The following UNK variants were observed in gnomAD, a reference collection of about 807,000 sequenced individuals.
The protein encoded by UNK is unk zinc finger, also known as RING finger protein unkempt homolog.
A neutral mutation model predicts 97.6 loss-of-function variants in UNK; 32 were observed. The ratio of observed to expected loss-of-function variants is 0.33; its 90% CI spans 0.25 to 0.44. The LOEUF is 0.44. UNK is among the 20% of genes least tolerant of loss of function. The pLI is 1.00. For synonymous variants in UNK, 441 were observed against 461.2 expected, an observed-to-expected ratio of 0.96 and a Z score of 0.56; for missense variants, 771 against 1,098.4, an observed-to-expected ratio of 0.70 and a Z score of 4.21.
chr17:75,809,546 G>T (rs1422755034), intron 1 of UNK, among the ~76,000 whole-genome samples: 1 of 152,256 alleles, frequency 6.6e-6, no homozygotes, highest in Non-Finnish European at 1.5e-5. Flanking sequence ...TGTGGTCTGT[G>T]GTTCCTGCCT....
At chr17:75,785,005 C>A (rs775449771) in intron 1 of UNK, 21 bp downstream of exon 1, 63 of 1,393,810 alleles carry the variant, frequency 4.5e-5, no homozygotes, top group Admixed American at 6.6e-5. Context: ...CCCCCCCCCC[C>A]CCGCCGCGCG....
chr17:75,812,560 C>G lies in UNK; in HGVS notation c.597C>G (p.Ile199Met), dbSNP rs1567804585. Residue 199 changes from isoleucine (I) to methionine (M), a missense_variant, in exon 4 of 16, where the codon ATC becomes ATG. This residue lies in a region of UNK where 246 missense variants were observed against 440.7 expected (regional missense o/e 0.56). Transcript: ENST00000589666. ...GAASHAMIEK[I>M]LSEEPRWQET... ...CGAGCCATGCCATGATAGAAAAGAT[C>G]CTCAGCGAGGAGCCTCGGTGGCAAG... The G allele has an allele frequency of 6.2e-7, 1 of 1,613,194 alleles. No individual in the cohort carries two copies. The highest frequency in any genetic ancestry group is 8.5e-7 in the Non-Finnish European group (1 of 1,179,844).
At position 75,822,517 on chromosome 17, in the gene UNK, C is replaced by T. The variant is rs1220275685; in HGVS notation, c.1878C>T (p.Ala626=). The T allele has an allele frequency of 1.9e-6, 3 of 1,613,630 alleles. No homozygotes were observed. In the Admixed American group the frequency reaches 5.0e-5, roughly 27 times the overall value. ...GMNSSIWEHF[A]SGSFSPGTSP... ...ACAGCAGCATCTGGGAGCATTTTGC[C>T]TCTGGAAGCTTCTCCCCGGGCACTT... Residue 626 remains alanine (A), a synonymous_variant, in exon 14 of 16, where the codon GCC becomes GCT. Coordinates refer to ENST00000589666, the MANE Select transcript of UNK (RefSeq NM_001080419.3).
In UNK at chr17:75,818,025, A is replaced by C; in HGVS notation, c.1306-78A>C. ...TGTCTGCCACCACCTGCCCCCTGGTACCTGCAGCCTCAGGGTCAGATGGAC... is the reference window on the plus strand; with the variant it reads ...TGTCTGCCACCACCTGCCCCCTGGTCCCTGCAGCCTCAGGGTCAGATGGAC... On this transcript the variant is annotated intron_variant, in intron 9 of 15. Coordinates refer to ENST00000589666, the MANE Select transcript of UNK (RefSeq NM_001080419.3). This position sits in a 1 kb window ranked among gnomAD's most constrained non-coding sequence, Gnocchi z 5.1. 6 of 1,402,514 alleles carry C rather than the reference A, an allele frequency of 4.3e-6. No homozygotes were observed. The highest frequency in any genetic ancestry group is 6.0e-6 in the Non-Finnish European group (6 of 993,414). 86.9% of individuals were successfully genotyped at this position (1,402,514 alleles called of 1,614,324 possible).
chr17:75,797,950 C>T (rs1449904018), intron 1 of UNK, among the ~76,000 whole-genome samples: 1 of 152,068 alleles, frequency 6.6e-6, no homozygotes, highest in Non-Finnish European at 1.5e-5. Flanking sequence ...ATTGTCTTGC[C>T]TATATGTCTC....
At chr17:75,823,570 C>T in intron 15 of UNK, 48 bp downstream of exon 15, 2 of 1,484,576 alleles carry the variant, frequency 1.3e-6, no homozygotes, top group Non-Finnish European at 9.0e-7. Flanking sequence ...GTGGCCTCAG[C>T]CAGCTCTTGG....
intron 7 of UNK, among the ~76,000 whole-genome samples, chr17:75,815,905 A>C (rs1299324805): frequency 1.3e-5 from 2 of 150,632 alleles, no homozygotes; most frequent in East Asian, 3.9e-4. Flanking sequence ...AAAAAAAAAA[A>C]ATTAAAAAAG....
At chr17:75,786,561 A>C (rs2061712967) in intron 1 of UNK, among the ~76,000 whole-genome samples, 1 of 152,194 alleles carries the variant, frequency 6.6e-6, no homozygotes, top group Non-Finnish European at 1.5e-5. Flanking sequence ...CATTTGTTTA[A>C]AACCTGTCTT....
At chr17:75,792,545 A>G in intron 1 of UNK, 9 of 940,966 alleles carry the variant, frequency 9.6e-6, no homozygotes, top group Non-Finnish European at 1.1e-5. Flanking sequence ...AACAATGCCA[A>G]GAATTTAGGT....
At chr17:75,823,673 G>A (rs1333140647) in intron 15 of UNK, among the ~76,000 whole-genome samples, 151 bp downstream of exon 15, 2 of 152,220 alleles carry the variant, frequency 1.3e-5, no homozygotes, top group Non-Finnish European at 2.9e-5. Context: ...CGGCCTGCTG[G>A]GAATGGGTGA....
At chr17:75,801,326 G>T (rs1567798321) in intron 1 of UNK, among the ~76,000 whole-genome samples, 1 of 152,034 alleles carries the variant, frequency 6.6e-6, no homozygotes, top group East Asian at 1.9e-4. Flanking sequence ...TGGATTATTT[G>T]TTAACACATT....
In UNK at chr17:75,824,178, G is replaced by T; in HGVS notation, c.2278-84G>T. 2 of 1,426,352 alleles carry T rather than the reference G, an allele frequency of 1.4e-6. No individual in the cohort carries two copies. The highest frequency in any genetic ancestry group is 1.9e-6 in the Non-Finnish European group (2 of 1,079,506). 88.4% of individuals were successfully genotyped at this position (1,426,352 alleles called of 1,614,324 possible). A position where few individuals can be genotyped will look rare whatever the true frequency, so the allele number is the denominator to read the frequency against. On this transcript the variant is annotated intron_variant, in intron 15 of 15. Transcript: ENST00000589666. This position sits in a 1 kb window ranked among gnomAD's most constrained non-coding sequence, Gnocchi z 4.9. ...GTACCTCAGTTTTCCCATCCCAAGG[G>T]GCTGCAGTGAGGATCAAGGGAACTC...
chr17:75,789,440 C>T (rs1334321854), intron 1 of UNK, among the ~76,000 whole-genome samples: 1 of 152,054 alleles, frequency 6.6e-6, no homozygotes. Context: ...GGGTTCACGG[C>T]ATTCTTCTGC....
chr17:75,824,478 A>G lies in UNK; in HGVS notation c.*61A>G, dbSNP rs747158665. On this transcript the variant is annotated 3_prime_UTR_variant, in exon 16 of 16. Coordinates refer to ENST00000589666, the MANE Select transcript of UNK (RefSeq NM_001080419.3). This position sits in a 1 kb window ranked among gnomAD's most constrained non-coding sequence, Gnocchi z 4.9. The stretch of plus-strand genomic sequence containing the variant: ...TCACCTAGGACTTTTTAAAGTATAT[A>G]TATATATATGAATATATATATATAT... 2.8e-6 allele frequency: 3 copies of G among 1,085,614 alleles called. No homozygotes were observed. Among genetic ancestry groups the G allele is most frequent in the Non-Finnish European group, 3.5e-6 (3 of 857,488 alleles). The allele number at this position is 1,085,614 out of a possible 1,614,324, so 67.2% of individuals were successfully genotyped here.
At chr17:75,822,354 A>C (rs969006278) in intron 13 of UNK, 123 bp from the exon 14 acceptor site, 12 of 1,220,602 alleles carry the variant, frequency 9.8e-6, no homozygotes, top group Non-Finnish European at 1.4e-5. Context: ...CTGGCCTGAC[A>C]CTAGCTGGAG....
At chr17:75,821,256 C>T (rs777584820) in intron 13 of UNK, 13 of 368,690 alleles carry the variant, frequency 3.5e-5, no homozygotes, top group South Asian at 2.6e-4. Flanking sequence ...ACTGGCCACA[C>T]ACTCCTTCCT....
At chr17:75,799,556 G>A (rs1183353550) in intron 1 of UNK, among the ~76,000 whole-genome samples, 1 of 152,292 alleles carries the variant, frequency 6.6e-6, no homozygotes, top group Non-Finnish European at 1.5e-5. Context: ...TTTGTACCAG[G>A]TTTCTACCAC....
In UNK at chr17:75,795,867, C is replaced by T. The variant is rs570131361; in HGVS notation, c.104+10883C>T. ...ACACCCTTCCTGGCTCTTGTTAGTT[C>T]TTGGGGCCAGGACAGCTCACAGGTG... On this transcript the variant is annotated intron_variant, in intron 1 of 15. Transcript: ENST00000589666. 5.5e-4 allele frequency among the ~76,000 whole-genome samples: 84 copies of T among 152,278 alleles called. 2 individuals are homozygous for T. In the South Asian group the frequency reaches 0.015, roughly 27 times the overall value.
At chr17:75,789,059 C>T (rs1026012867) in intron 1 of UNK, among the ~76,000 whole-genome samples, 1 of 152,098 alleles carries the variant, frequency 6.6e-6, no homozygotes, top group Non-Finnish European at 1.5e-5. Flanking sequence ...CCCTCCTTTT[C>T]CTAAACCAAG....
Sources: allele counts gnomAD v4.1 joint callset (sites outside exome capture counted in the v4.1 genomes callset), GRCh38; gene constraint gnomAD v4.1.1; regional missense constraint gnomAD v4.1.1; non-coding constraint Gnocchi (gnomAD v3.1); transcripts MANE v1.5; gene names NCBI Gene and HGNC (gene_info 2026-07-23, HGNC 2026-07-21).